DDR1: variants seen among roughly 807,000 people sequenced by gnomAD.
DDR1 encodes the protein epithelial discoidin domain-containing receptor 1.
A neutral mutation model predicts 97.4 loss-of-function variants in DDR1; 64 were observed. That is an observed-to-expected ratio of 0.66 (90% CI 0.54 to 0.81). DDR1 has a LOEUF of 0.81. Ranked by LOEUF, DDR1 falls within the 30% of genes least tolerant of loss-of-function variation. The pLI, the probability that DDR1 is intolerant of heterozygous loss-of-function variation, is 0.00. For missense variants in DDR1, 990 were observed against 1,259.6 expected (o/e 0.79, Z 3.24); for synonymous variants, 458 against 503.7 (o/e 0.91, Z 1.21).
Position 30,892,363 on chromosome 6 carries a change from G to A in DDR1, c.920G>A (p.Arg307His), listed in dbSNP as rs139594548. The change falls in exon 8 of 18, where the codon CGT becomes CAT. Residue 307 changes from arginine (R) to histidine (H), a missense_variant. Transcript: ENST00000376568. ...GGCGGGGTGGAATGTCGCTTCCGGCGTGGCCCTGCCATGGCCTGGGAGGGG... is the reference window on the plus strand; with the variant it reads ...GGCGGGGTGGAATGTCGCTTCCGGCATGGCCCTGCCATGGCCTGGGAGGGG... ...LPGGVECRFR[R>H]GPAMAWEGEP... The A allele has an allele frequency of 3.4e-4, 543 of 1,584,688 alleles. 4 individuals carry two copies. The East Asian group carries it at 9.3e-3, about 27-fold the overall frequency.
rs919222717 is a variant in DDR1, at chr6:30,892,865, C to A, written c.1100-203C>A. 5.6e-5 allele frequency: 34 copies of A among 602,032 alleles called. 1 individual carries two copies. Among genetic ancestry groups the A allele is most frequent in the Non-Finnish European group, 9.5e-5 (33 of 347,132 alleles). The allele number at this position is 602,032 out of a possible 1,614,324, so 37.3% of individuals were successfully genotyped here. A position where few individuals can be genotyped will look rare whatever the true frequency, so the allele number is the denominator to read the frequency against. On this transcript the variant is annotated intron_variant, in intron 8 of 17. Coordinates refer to ENST00000376568, the MANE Select transcript of DDR1 (RefSeq NM_001297654.2). Reference sequence around the variant, plus strand: ...GCCTCCAGATACCTGTCCTCCACCTCCCCACAATCCAGCAACTATAGGGTT... The same window carrying A: ...GCCTCCAGATACCTGTCCTCCACCTACCCACAATCCAGCAACTATAGGGTT...
chr6:30,885,008 G>A lies in DDR1; in HGVS notation c.-43+298G>A, dbSNP rs111447306. 2,628 of 535,250 alleles carry A rather than the reference G, an allele frequency of 4.9e-3. 13 individuals carry two copies. Among genetic ancestry groups the A allele is most frequent in the Non-Finnish European group, 5.2e-3 (1,554 of 296,416 alleles). The allele number at this position is 535,250 out of a possible 1,614,324, so 33.2% of individuals were successfully genotyped here. ...GCGGAGGAACTGAGCCCCGGGAGGA[G>A]GTGCTCCTGTGCAGCCCCACTGAGT... On this transcript the variant is annotated intron_variant, in intron 1 of 17. Transcript: ENST00000376568.
chr6:30,892,672 T>G, intron 8 of DDR1, 130 bp downstream of exon 8: 1 of 1,278,456 alleles, frequency 7.8e-7, no homozygotes, highest in Non-Finnish European at 1.1e-6. Context: ...ACTTCTCAAT[T>G]AGGGGTGCCC....
chr6:30,897,249 G>A lies in DDR1; in HGVS notation c.1997+108G>A. The A allele has an allele frequency of 6.6e-7, 1 of 1,523,814 alleles. No individual in the cohort carries two copies. 94.4% of individuals were successfully genotyped at this position (1,523,814 alleles called of 1,614,324 possible). On this transcript the variant is annotated intron_variant, in intron 14 of 17. Transcript: ENST00000376568. This position sits in a 1 kb window ranked among gnomAD's most constrained non-coding sequence, Gnocchi z 5.2. ...CCCAACAGAGGGGTGGCATCTCTGG[G>A]AGGGGATTTACATGTACGCTGGGGG...
chr6:30,893,445 G>A (rs751107390), intron 10 of DDR1, 22 bp downstream of exon 10: 1 of 1,591,170 alleles, frequency 6.3e-7, no homozygotes. Context: ...CGTGGCATGT[G>A]GAGTGGCGGG....
Position 30,897,059 on chromosome 6 carries a change from G to T in DDR1, c.1915G>T (p.Asp639Tyr). The T allele has an allele frequency of 6.2e-7, 1 of 1,613,862 alleles. No homozygotes were observed. The highest frequency in any genetic ancestry group is 8.5e-7 in the Non-Finnish European group (1 of 1,179,924). Residue 639 changes from aspartate to tyrosine, a missense_variant, in exon 14 of 18, where the codon GAT (aspartate) becomes TAT (tyrosine). Physicochemically the swap from Asp to Tyr is radical, Grantham distance 160. Coordinates refer to ENST00000376568, the MANE Select transcript of DDR1 (RefSeq NM_001297654.2). The surrounding 1 kb of genome is among the most constrained non-coding windows in gnomAD (Gnocchi z 5.2). Reference sequence around the variant, plus strand: ...CAGCCCTCAAGATCTGGTTAGTCTTGATTTCCCCCTTAATGTGCGTAAGGG... The same window carrying T: ...CAGCCCTCAAGATCTGGTTAGTCTTTATTTCCCCCTTAATGTGCGTAAGGG... Reference protein sequence around the residue: ...VDSPQDLVSLDFPLNVRKGHP... With the variant: ...VDSPQDLVSLYFPLNVRKGHP...
Position 30,898,981 on chromosome 6 carries a change from AC to A in DDR1, c.2547del (p.Asp850ThrfsTer34). 1 of 1,614,130 alleles carries A rather than the reference AC, an allele frequency of 6.2e-7. No individual in the cohort carries two copies. Among genetic ancestry groups the A allele is most frequent in the Non-Finnish European group, 8.5e-7 (1 of 1,180,018 alleles). ...LCRAQPFGQL[T>X]DEQVIENAGE... Reference sequence around the variant, plus strand: ...TAGGGCCCAGCCCTTTGGGCAGCTCACCGACGAGCAGGTCATCGAGAACGCG... The same window carrying A: ...TAGGGCCCAGCCCTTTGGGCAGCTCACGACGAGCAGGTCATCGAGAACGCG... On this transcript the variant is annotated frameshift_variant, in exon 17 of 18. Coordinates refer to ENST00000376568, the MANE Select transcript of DDR1 (RefSeq NM_001297654.2). LOFTEE classifies it high-confidence loss of function.
chr6:30,892,412 G>A lies in DDR1; in HGVS notation c.969G>A (p.Gly323=), dbSNP rs768946131. 6.2e-7 allele frequency: 1 copy of A among 1,603,816 alleles called. No individual in the cohort carries two copies. Among genetic ancestry groups the A allele is most frequent in the African/African-American group, 1.3e-5 (1 of 74,972 alleles). ...WEGEPMRHNL[G]GNLGDPRARA... is the part of the protein sequence containing the mutation. The stretch of plus-strand genomic sequence containing the variant: ...GGGAGCCCATGCGCCACAACCTAGG[G>A]GGCAACCTGGGGGACCCCAGAGCCC... Residue 323 remains glycine (G), a synonymous_variant, in exon 8 of 18, where the codon GGG becomes GGA. Transcript: ENST00000376568.
rs1260994226 is a variant in DDR1 at position 30,889,969 on chromosome 6, T to C, written c.417+539T>C. On this transcript the variant is annotated intron_variant, in intron 4 of 17. Coordinates refer to ENST00000376568, the MANE Select transcript of DDR1 (RefSeq NM_001297654.2). This position sits in a 1 kb window ranked among gnomAD's most constrained non-coding sequence, Gnocchi z 4.9. ...GTCTGTTCTACCTCCATAGTGTTCC[T>C]GAGTCCAGTCACTCCTCACCACTCC... 6.6e-6 allele frequency among the ~76,000 whole-genome samples: 1 copy of C among 152,182 alleles called. No individual in the cohort carries two copies. Among genetic ancestry groups the C allele is most frequent in the Non-Finnish European group, 1.5e-5 (1 of 68,028 alleles).
chr6:30,885,876 T>G lies in DDR1; in HGVS notation c.-43+1166T>G, dbSNP rs1441818677. 2.4e-6 allele frequency: 3 copies of G among 1,257,346 alleles called. No individual in the cohort carries two copies. The African/African-American group carries it at 4.6e-5, about 19-fold the overall frequency. 77.9% of individuals were successfully genotyped at this position (1,257,346 alleles called of 1,614,324 possible). A position where few individuals can be genotyped will look rare whatever the true frequency, so the allele number is the denominator to read the frequency against. ...TGTGTGGGTGTTGTCTGAGTGGGAC[T>G]TGGGGGTTGGGAGAGGAGCGTGAAG... is the stretch of plus-strand genomic sequence containing the variant. On this transcript the variant is annotated intron_variant, in intron 1 of 17. Transcript: ENST00000376568.
In DDR1 at chr6:30,891,539, G is replaced by T; in HGVS notation, c.665+60G>T. On this transcript the variant is annotated intron_variant, in intron 6 of 17. Transcript: ENST00000376568. This position sits in a 1 kb window ranked among gnomAD's most constrained non-coding sequence, Gnocchi z 5.3. ...GTGGGAGGGAGGACTGTGTGTGTGT[G>T]TGTGTGTGTGTGTGTGTGAGAGTGT... The T allele has an allele frequency of 1.1e-6, 1 of 886,484 alleles. No homozygotes were observed. Among genetic ancestry groups the T allele is most frequent in the Non-Finnish European group, 1.8e-6 (1 of 565,866 alleles). The allele number at this position is 886,484 out of a possible 1,614,324, so 54.9% of individuals were successfully genotyped here.
rs1786636199 is a variant in DDR1 at position 30,888,262 on chromosome 6, C to T, written c.-42-426C>T. On this transcript the variant is annotated intron_variant, in intron 1 of 17. Coordinates refer to ENST00000376568, the MANE Select transcript of DDR1 (RefSeq NM_001297654.2). This position sits in a 1 kb window ranked among gnomAD's most constrained non-coding sequence, Gnocchi z 4.2. Reference sequence around the variant, plus strand: ...TTTTTTCTTGTCAGTTCCTAAGGGGCCTTAGTTTATTGTAGTTATTAAACC... The same window carrying T: ...TTTTTTCTTGTCAGTTCCTAAGGGGTCTTAGTTTATTGTAGTTATTAAACC... 1 of 159,726 alleles carries T rather than the reference C, an allele frequency of 6.3e-6. No individual in the cohort carries two copies. Among genetic ancestry groups the T allele is most frequent in the African/African-American group, 2.4e-5 (1 of 41,632 alleles). The allele number at this position is 159,726 out of a possible 1,614,324, so 9.9% of individuals were successfully genotyped here. A position where few individuals can be genotyped will look rare whatever the true frequency, so the allele number is the denominator to read the frequency against.
rs575894743 is a variant in DDR1, at chr6:30,885,629, C to T, written c.-43+919C>T. 3.3e-5 allele frequency: 45 copies of T among 1,355,392 alleles called. No individual in the cohort carries two copies. The African/African-American group carries it at 3.9e-4, about 12-fold the overall frequency. The allele number at this position is 1,355,392 out of a possible 1,614,324, so 84.0% of individuals were successfully genotyped here. A position where few individuals can be genotyped will look rare whatever the true frequency, so the allele number is the denominator to read the frequency against. On this transcript the variant is annotated intron_variant, in intron 1 of 17. Coordinates refer to ENST00000376568, the MANE Select transcript of DDR1 (RefSeq NM_001297654.2). Reference sequence around the variant, plus strand: ...TCTGTCATTTCATGTTCACAGGTGTCTGAAGGTGGCTATTCACTGAGCGAT... The same window carrying T: ...TCTGTCATTTCATGTTCACAGGTGTTTGAAGGTGGCTATTCACTGAGCGAT...
Position 30,896,824 on chromosome 6 carries a change from C to A in DDR1, c.1828C>A (p.Leu610Ile). 6.3e-7 allele frequency: 1 copy of A among 1,590,408 alleles called. No individual in the cohort carries two copies. Among genetic ancestry groups the A allele is most frequent in the Non-Finnish European group, 8.6e-7 (1 of 1,166,576 alleles). ...PPRVDFPRSR[L>I]RFKEKLGEGQ... is the part of the protein sequence containing the mutation. ...CAGAGTGGATTTCCCTCGATCTCGA[C>A]TCCGCTTCAAGGAGAAGCTTGGCGA... Residue 610 changes from leucine to isoleucine, a missense_variant, in exon 13 of 18, where the codon CTC becomes ATC. Coordinates refer to ENST00000376568, the MANE Select transcript of DDR1 (RefSeq NM_001297654.2).
Position 30,897,629 on chromosome 6 carries a change from G to A in DDR1, c.2216+32G>A, listed in dbSNP as rs192362413. On this transcript the variant is annotated intron_variant, in intron 15 of 17. Coordinates refer to ENST00000376568, the MANE Select transcript of DDR1 (RefSeq NM_001297654.2). The surrounding 1 kb of genome is among the most constrained non-coding windows in gnomAD (Gnocchi z 5.2). ...GCTTACCCAGGCTGGGCCTTGCTCAGAATTCCCCCAGGGGATCTCCTCCTC... is the reference window on the plus strand; with the variant it reads ...GCTTACCCAGGCTGGGCCTTGCTCAAAATTCCCCCAGGGGATCTCCTCCTC... 1.9e-6 allele frequency: 3 copies of A among 1,564,376 alleles called. No individual in the cohort carries two copies. Among genetic ancestry groups the A allele is most frequent in the Non-Finnish European group, 2.6e-6 (3 of 1,148,082 alleles).
upstream of DDR1, chr6:30,883,741 G>C (rs1459509302): frequency 6.6e-6 from 1 of 152,420 alleles, no homozygotes; most frequent in Non-Finnish European, 1.5e-5. This position sits in a 1 kb window ranked among gnomAD's most constrained non-coding sequence, Gnocchi z 4.9. Context: ...GGGCCTGGGC[G>C]TCTGGACCCC....
At chr6:30,898,743 A>G in intron 16 of DDR1, 145 bp from the exon 17 acceptor site, 1 of 840,930 alleles carries the variant, frequency 1.2e-6, no homozygotes. Flanking sequence ...AAAGGTGGCC[A>G]GCGGAGGAGA....
chr6:30,890,870 C>A lies in DDR1; in HGVS notation c.418-103C>A. 1 of 1,299,222 alleles carries A rather than the reference C, an allele frequency of 7.7e-7. No homozygotes were observed. The highest frequency in any genetic ancestry group is 1.0e-6 in the Non-Finnish European group (1 of 960,658). The allele number at this position is 1,299,222 out of a possible 1,614,324, so 80.5% of individuals were successfully genotyped here. ...GTGCTCGGTGCCACCCCTCATGGGT[C>A]TCTAAGTGGCCACTGTGGGCTGGGC... On this transcript the variant is annotated intron_variant, in intron 4 of 17. Transcript: ENST00000376568. This position sits in a 1 kb window ranked among gnomAD's most constrained non-coding sequence, Gnocchi z 5.0.
rs1460947128 is a variant in DDR1, at chr6:30,898,196, C to G, written c.2340C>G (p.Ile780Met). The change falls in exon 16 of 18, where the codon ATC becomes ATG. Residue 780 changes from isoleucine (I) to methionine (M), a missense_variant. By Grantham distance (10) the Ile-to-Met change is conservative. Coordinates refer to ENST00000376568, the MANE Select transcript of DDR1 (RefSeq NM_001297654.2). ...RNCLVGENFT[I>M]KIADFGMSRN... ...GCCTAGTTGGGGAAAATTTCACCAT[C>G]AAAATCGCAGACTTTGGCATGAGCC... 1 of 1,614,246 alleles carries G rather than the reference C, an allele frequency of 6.2e-7. No individual in the cohort carries two copies. The highest frequency in any genetic ancestry group is 1.3e-5 in the African/African-American group (1 of 75,056).
Sources: gnomAD v4.1 joint callset for allele counts (sites outside exome capture counted in the v4.1 genomes callset) on GRCh38, gnomAD v4.1.1 for gene constraint, Gnocchi (gnomAD v3.1) non-coding constraint, MANE v1.5 for transcripts, NCBI Gene and HGNC (gene_info 2026-07-23, HGNC 2026-07-21) for gene names.